OPCML: variants seen among roughly 807,000 people sequenced by gnomAD.
OPCML encodes the protein opioid binding protein/cell adhesion molecule like, also known as opioid-binding protein/cell adhesion molecule.
OPCML carries 13 observed loss-of-function variants against 37.8 expected under a neutral mutation model. That is an observed-to-expected ratio of 0.34 (90% CI 0.22 to 0.55). OPCML has a LOEUF of 0.55. Ranked by LOEUF, OPCML falls within the 20% of genes least tolerant of loss-of-function variation. The pLI is 0.91. For missense variants in OPCML, 341 were observed against 435.6 expected (o/e 0.78, Z 1.93); for synonymous variants, 176 against 168.8 (o/e 1.04, Z -0.33).
intron 2 of OPCML, among the ~76,000 whole-genome samples, chr11:132,660,632 C>T (rs186474768): frequency 7.2e-5 from 11 of 152,242 alleles, no homozygotes; most frequent in African/African-American, 2.6e-4. Context: ...TATGCTAAAT[C>T]ACCGAGCCCT....
At chr11:132,633,725 G>T (rs577663709) in intron 3 of OPCML, among the ~76,000 whole-genome samples, 1 of 152,278 alleles carries the variant, frequency 6.6e-6, no homozygotes, top group East Asian at 1.9e-4. Flanking sequence ...GTGTGTATGG[G>T]TGTGGGGTGG....
At chr11:132,941,366 C>T (rs942795428) in intron 2 of OPCML, among the ~76,000 whole-genome samples, 2 of 152,192 alleles carry the variant, frequency 1.3e-5, no homozygotes, top group African/African-American at 4.8e-5. Flanking sequence ...CTATTCAATG[C>T]TAGACCTCTT....
intron 2 of OPCML, among the ~76,000 whole-genome samples, chr11:132,909,365 T>C (rs1244576109): frequency 6.6e-6 from 1 of 152,220 alleles, no homozygotes; most frequent in Non-Finnish European, 1.5e-5. Flanking sequence ...GTGTTCAGGT[T>C]GTGCGAACAT....
chr11:133,529,737 G>A (rs1337021052), intron 1 of OPCML, among the ~76,000 whole-genome samples: 1 of 152,142 alleles, frequency 6.6e-6, no homozygotes, highest in Non-Finnish European at 1.5e-5. Flanking sequence ...AGTGGCTAAC[G>A]AGCTGGTATT....
intron 1 of OPCML, among the ~76,000 whole-genome samples, chr11:133,523,299 G>A (rs1273695358): frequency 6.6e-6 from 1 of 152,034 alleles, no homozygotes; most frequent in African/African-American, 2.4e-5. Context: ...TAGCATACAA[G>A]CAGGAACCTG....
intron 3 of OPCML, among the ~76,000 whole-genome samples, chr11:132,579,400 T>C (rs1038385799): frequency 4.6e-5 from 7 of 151,576 alleles, no homozygotes; most frequent in Non-Finnish European, 7.4e-5. Context: ...TGTGTGTGTG[T>C]GTGTGTGTGT....
intron 2 of OPCML, among the ~76,000 whole-genome samples, chr11:132,822,850 T>C (rs1354479312): frequency 2.6e-5 from 4 of 152,180 alleles, no homozygotes; most frequent in South Asian, 4.1e-4. Flanking sequence ...TTCTGACTAA[T>C]TTACTAGCTG....
At chr11:132,645,929 G>T (rs1241249195) in intron 3 of OPCML, among the ~76,000 whole-genome samples, 1 of 152,198 alleles carries the variant, frequency 6.6e-6, no homozygotes, top group Non-Finnish European at 1.5e-5. Context: ...GTAGGATTTG[G>T]ATATCCAGGG....
At chr11:132,829,942 T>C (rs1305634778) in intron 2 of OPCML, among the ~76,000 whole-genome samples, 1 of 152,206 alleles carries the variant, frequency 6.6e-6, no homozygotes, top group African/African-American at 2.4e-5. Flanking sequence ...TAATATTGTG[T>C]ATTGGTAACC....
chr11:132,459,410 CACATACATACATACATACAT>C (rs71477764), intron 4 of OPCML, among the ~76,000 whole-genome samples: 2 of 144,374 alleles, frequency 1.4e-5, no homozygotes, highest in African/African-American at 5.2e-5. Context: ...TCTCTCTTCA[CACATACATACATACATACAT>C]ACATACATAC....
rs545034582 is a variant in OPCML, at chr11:132,933,493, C to T, written c.146+9433G>A. 1.8e-3 allele frequency among the ~76,000 whole-genome samples: 270 copies of T among 152,212 alleles called. 1 individual carries two copies. Among genetic ancestry groups the T allele is most frequent in the Non-Finnish European group, 2.1e-3 (142 of 68,018 alleles). ...TAGTATCTCAACTAGGGTTCAAATG[C>T]CAGGCCCTATGGTTGTAATTTCAGT... On this transcript the variant is annotated intron_variant, in intron 2 of 7. Transcript: ENST00000524381.
chr11:132,878,739 T>C (rs1052096008), intron 2 of OPCML, among the ~76,000 whole-genome samples: 2 of 152,168 alleles, frequency 1.3e-5, no homozygotes, highest in Non-Finnish European at 2.9e-5. Context: ...ATCTAATCTT[T>C]CTATTGAGAT....
At chr11:133,152,392 C>A (rs1252594630) in intron 1 of OPCML, among the ~76,000 whole-genome samples, 1 of 152,180 alleles carries the variant, frequency 6.6e-6, no homozygotes, top group African/African-American at 2.4e-5. Flanking sequence ...TATTTAAGAA[C>A]TCGGAGTTTC....
intron 1 of OPCML, among the ~76,000 whole-genome samples, chr11:132,976,901 G>A (rs985328619): frequency 6.6e-5 from 10 of 152,120 alleles, no homozygotes; most frequent in Admixed American, 5.9e-4. Context: ...TAGAGAAGGG[G>A]CAGAAAATTT....
chr11:133,528,038 A>G (rs1948523588), intron 1 of OPCML, among the ~76,000 whole-genome samples: 1 of 152,184 alleles, frequency 6.6e-6, no homozygotes, highest in African/African-American at 2.4e-5. Flanking sequence ...TCCTTCTGTA[A>G]TTTTCTAGGT....
intron 3 of OPCML, among the ~76,000 whole-genome samples, chr11:132,580,322 A>C (rs1020270864): frequency 6.6e-6 from 1 of 152,176 alleles, no homozygotes. Flanking sequence ...ATCTTTATAA[A>C]AATTAAATGG....
At chr11:132,743,335 G>C (rs1315096037) in intron 2 of OPCML, among the ~76,000 whole-genome samples, 1 of 152,040 alleles carries the variant, frequency 6.6e-6, no homozygotes, top group African/African-American at 2.4e-5. Context: ...TTAGCACTGG[G>C]ATATGTTGGA....
intron 1 of OPCML, among the ~76,000 whole-genome samples, chr11:133,352,099 T>A (rs535517631): frequency 2.0e-5 from 3 of 152,340 alleles, no homozygotes; most frequent in Admixed American, 6.5e-5. Context: ...ATTCTTCAAC[T>A]ATCACCGAGG....
chr11:132,816,969 T>C (rs1174267396), intron 2 of OPCML, among the ~76,000 whole-genome samples: 1 of 152,214 alleles, frequency 6.6e-6, no homozygotes, highest in Non-Finnish European at 1.5e-5. Context: ...AAGGCGTTTC[T>C]GTGCTACTCT....
Sources: allele counts gnomAD v4.1 joint callset (sites outside exome capture counted in the v4.1 genomes callset), GRCh38; gene constraint gnomAD v4.1.1; transcripts MANE v1.5; gene names NCBI Gene and HGNC (gene_info 2026-07-23, HGNC 2026-07-21).